The following C4BPA variants were observed in gnomAD, a reference collection of about 807,000 sequenced individuals.
The protein encoded by C4BPA is C4b-binding protein alpha chain.
A neutral mutation model predicts 63.7 loss-of-function variants in C4BPA; 31 were observed. The observed-to-expected ratio is 0.49, with a 90% CI of 0.37 to 0.66. The LOEUF is 0.66. C4BPA is among the 30% of genes least tolerant of loss of function. C4BPA has a pLI of 0.00. For synonymous variants in C4BPA, 259 were observed against 254.7 expected (o/e 1.02, Z -0.16); for missense variants, 572 against 723.3 (o/e 0.79, Z 2.40).
At position 207,128,998 on chromosome 1, in the gene C4BPA, G is replaced by A. The variant is rs932280285; in HGVS notation, c.889+2103G>A. Among the ~76,000 whole-genome samples the A allele has an allele frequency of 2.4e-4, 37 of 151,978 alleles. 1 individual carries two copies. The highest frequency in any genetic ancestry group is 1.6e-4 in the Non-Finnish European group (11 of 67,986). ...GGAAAGTTCAAAGAATCACAAAGCA[G>A]CTATTATAAATATGTCCCAAGAACT... On this transcript the variant is annotated intron_variant, in intron 7 of 11. Transcript: ENST00000367070.
chr1:207,138,053 G>A (rs2102361275), intron 9 of C4BPA, among the ~76,000 whole-genome samples: 1 of 152,326 alleles, frequency 6.6e-6, no homozygotes, highest in Admixed American at 6.5e-5. Context: ...TTGGCCGAGA[G>A]GAAGGGTCCA....
rs78417598 is a variant in C4BPA at position 207,107,675 on chromosome 1, C to A, written c.-26+3245C>A. 3.3e-3 allele frequency among the ~76,000 whole-genome samples: 496 copies of A among 152,284 alleles called. 4 individuals carry two copies. The highest frequency in any genetic ancestry group is 0.012 in the African/African-American group (483 of 41,556). On this transcript the variant is annotated intron_variant, in intron 1 of 11. Transcript: ENST00000367070. ...AGGGGAACCTATGGAAACTGGGAAC[C>A]ATGAATGTTTTTAAGCAGAGTAACA...
chr1:207,136,069 G>A lies in C4BPA; in HGVS notation c.1273+1477G>A, dbSNP rs546945530. Among the ~76,000 whole-genome samples, 3 of 152,330 alleles carry A rather than the reference G, an allele frequency of 2.0e-5. No individual in the cohort carries two copies. The South Asian group carries it at 6.2e-4, about 32-fold the overall frequency. On this transcript the variant is annotated intron_variant, in intron 9 of 11. Coordinates refer to ENST00000367070, the MANE Select transcript of C4BPA (RefSeq NM_000715.4). ...CACTTCTCTTCCTTTCATGGTAGAA[G>A]AGGTCCAATGTAGTCAACTTGCTAG... is the stretch of plus-strand genomic sequence containing the variant.
chr1:207,141,141 T>C lies in C4BPA; in HGVS notation c.1309T>C (p.Tyr437His), dbSNP rs755390463. The C allele has an allele frequency of 4.3e-6, 7 of 1,612,894 alleles. No homozygotes were observed. The highest frequency in any genetic ancestry group is 5.9e-6 in the Non-Finnish European group (7 of 1,179,544). Residue 437 changes from tyrosine (Y) to histidine (H), a missense_variant, in exon 10 of 12, where the codon TAT (tyrosine) becomes CAT (histidine). Tyr to His is a moderately conservative substitution (Grantham distance 83). Coordinates refer to ENST00000367070, the MANE Select transcript of C4BPA (RefSeq NM_000715.4). Reference sequence around the variant, plus strand: ...TCCTCCTAAAATTGCCCATGGGCATTATAAACAATCTAGTTCATACAGCTT... The same window carrying C: ...TCCTCCTAAAATTGCCCATGGGCATCATAAACAATCTAGTTCATACAGCTT... ...NFPPKIAHGHYKQSSSYSFFK... is the reference protein window; with the variant it reads ...NFPPKIAHGHHKQSSSYSFFK...
At position 207,144,590 on chromosome 1, in the gene C4BPA, T is replaced by A. The variant is rs140703266; in HGVS notation, c.1667T>A (p.Met556Lys). 4 of 1,613,146 alleles carry A rather than the reference T, an allele frequency of 2.5e-6. No individual in the cohort carries two copies. In the East Asian group the frequency reaches 8.9e-5, roughly 36 times the overall value. The change falls in exon 12 of 12, where the codon ATG becomes AAG. Residue 556 changes from methionine (M) to lysine (K), a missense_variant. Physicochemically the swap from Met to Lys is moderately conservative, Grantham distance 95. Around this residue, in one of 2 missense-constraint regions of C4BPA, gnomAD observed 465 missense variants for 629.4 expected, o/e 0.74. Transcript: ENST00000367070. ...CEQVLTGKRLMQCLPNPEDVK... is the reference protein window; with the variant it reads ...CEQVLTGKRLKQCLPNPEDVK... ...CAAGTGCTCACAGGCAAAAGACTCA[T>A]GCAGTGTCTCCCAAACCCAGAGGAT...
intron 4 of C4BPA, among the ~76,000 whole-genome samples, chr1:207,122,435 A>T (rs1159620502): frequency 3.3e-5 from 5 of 152,068 alleles, no homozygotes; most frequent in Non-Finnish European, 2.9e-5. Flanking sequence ...CTAAATTATT[A>T]TTCTTTATCT....
intron 1 of C4BPA, among the ~76,000 whole-genome samples, chr1:207,105,133 C>T (rs1684531635): frequency 6.6e-6 from 1 of 152,086 alleles, no homozygotes; most frequent in African/African-American, 2.4e-5. Context: ...TATTCTATCT[C>T]TAAATATGGT....
At chr1:207,141,375 C>T in intron 10 of C4BPA, 99 bp downstream of exon 10, 1 of 907,472 alleles carries the variant, frequency 1.1e-6, no homozygotes. Flanking sequence ...AGCATGAAAA[C>T]ATTTGATTTG....
chr1:207,125,642 A>G (rs1360707109), intron 6 of C4BPA, among the ~76,000 whole-genome samples: 1 of 152,154 alleles, frequency 6.6e-6, no homozygotes, highest in African/African-American at 2.4e-5. Flanking sequence ...ACGCAGCAAG[A>G]AGGCACCATC....
chr1:207,118,177 ATATC>A (rs200920256), intron 4 of C4BPA, among the ~76,000 whole-genome samples: 4,020 of 147,336 alleles, frequency 0.027, 100 homozygotes, highest in Middle Eastern at 0.086. Flanking sequence ...CTATCTATCT[ATATC>A]TATCTATCTA....
intron 1 of C4BPA, among the ~76,000 whole-genome samples, chr1:207,111,209 T>TAA (rs924277634): frequency 6.6e-6 from 1 of 152,046 alleles, no homozygotes; most frequent in Non-Finnish European, 1.5e-5. Flanking sequence ...GGAAGGAGGA[T>TAA]AATGGGAAAA....
Position 207,144,922 on chromosome 1 carries a change from CA to C in C4BPA, c.*206del, listed in dbSNP as rs1685502137. ...TGTGGCTCATGTTTTTGCTTTTCAA[CA>C]CACAAAGCACAAATTTTTTTTCGAT... On this transcript the variant is annotated 3_prime_UTR_variant, in exon 12 of 12. Coordinates refer to ENST00000367070, the MANE Select transcript of C4BPA (RefSeq NM_000715.4). 1 of 319,842 alleles carries C rather than the reference CA, an allele frequency of 3.1e-6. No homozygotes were observed. Among genetic ancestry groups the C allele is most frequent in the Non-Finnish European group, 5.6e-6 (1 of 177,888 alleles). 19.8% of individuals were successfully genotyped at this position (319,842 alleles called of 1,614,324 possible).
chr1:207,143,385 G>A (rs1481020815), intron 10 of C4BPA, among the ~76,000 whole-genome samples: 1 of 152,150 alleles, frequency 6.6e-6, no homozygotes, highest in Non-Finnish European at 1.5e-5. Context: ...ACCTAATGTA[G>A]ATGATGGGTT....
chr1:207,114,329 TGGAAAG>T, intron 3 of C4BPA, 44 bp downstream of exon 3: 1 of 1,459,436 alleles, frequency 6.9e-7, no homozygotes, highest in Non-Finnish European at 9.4e-7. Context: ...TTCCTATCTT[TGGAAAG>T]TTGTCTCAGA....
At chr1:207,138,322 T>C (rs1685337801) in intron 9 of C4BPA, among the ~76,000 whole-genome samples, 1 of 152,204 alleles carries the variant, frequency 6.6e-6, no homozygotes, top group Non-Finnish European at 1.5e-5. Flanking sequence ...TCTACTTCCA[T>C]CTTATAATGA....
At chr1:207,107,205 A>C (rs1684578488) in intron 1 of C4BPA, among the ~76,000 whole-genome samples, 1 of 152,200 alleles carries the variant, frequency 6.6e-6, no homozygotes, top group Admixed American at 6.5e-5. Context: ...TGGAGGTAAG[A>C]GCATTAATGC....
At position 207,127,055 on chromosome 1, in the gene C4BPA, A is replaced by T. The variant is rs185440439; in HGVS notation, c.889+160A>T. 2.1e-4 allele frequency: 121 copies of T among 580,268 alleles called. No individual in the cohort carries two copies. In the East Asian group the frequency reaches 3.2e-3, roughly 16 times the overall value. 35.9% of individuals were successfully genotyped at this position (580,268 alleles called of 1,614,324 possible). Reference sequence around the variant, plus strand: ...TATTTTTTTCTTGTTGGAAAGAAGAATGATTTTAGTGCACTCTGCAAGGTC... The same window carrying T: ...TATTTTTTTCTTGTTGGAAAGAAGATTGATTTTAGTGCACTCTGCAAGGTC... On this transcript the variant is annotated intron_variant, in intron 7 of 11. Transcript: ENST00000367070.
At chr1:207,128,450 A>C (rs1417225775) in intron 7 of C4BPA, among the ~76,000 whole-genome samples, 1 of 152,222 alleles carries the variant, frequency 6.6e-6, no homozygotes, top group Non-Finnish European at 1.5e-5. Flanking sequence ...AAAGACTGTA[A>C]ACACTCTGCC....
At chr1:207,141,332 C>G in intron 10 of C4BPA, 56 bp downstream of exon 10, 1 of 1,366,986 alleles carries the variant, frequency 7.3e-7, no homozygotes, top group East Asian at 2.3e-5. Context: ...GTCCTGAGAG[C>G]ACTGAGAGCT....
Sources: allele counts gnomAD v4.1 joint callset (sites outside exome capture counted in the v4.1 genomes callset), GRCh38; gene constraint gnomAD v4.1.1; regional missense constraint gnomAD v4.1.1; transcripts MANE v1.5; gene names NCBI Gene and HGNC (gene_info 2026-07-23, HGNC 2026-07-21).